The following LYSMD4 variants were observed in gnomAD, a reference collection of about 807,000 sequenced individuals.
LYSMD4 encodes the protein LysM domain containing 4.
LYSMD4 carries 9 observed loss-of-function variants against 6.1 expected under a neutral mutation model. The observed-to-expected ratio is 1.47, with a 90% confidence interval of 0.88 to 2.56. LYSMD4 has a LOEUF of 2.56. LYSMD4 is among the 30% of genes most tolerant of loss of function. The pLI, the probability that LYSMD4 is intolerant of heterozygous loss-of-function variation, is 0.00. For synonymous variants in LYSMD4, 143 were observed against 148.5 expected (o/e 0.96, Z 0.27); for missense variants, 384 against 373.5 (o/e 1.03, Z -0.23).
Position 99,729,748 on chromosome 15 carries a change from A to AT in LYSMD4, c.283-18dup. 6.3e-7 allele frequency: 1 copy of AT among 1,581,582 alleles called. No homozygotes were observed. The highest frequency in any genetic ancestry group is 2.2e-5 in the East Asian group (1 of 44,604). On this transcript the variant is annotated splice_polypyrimidine_tract_variant and intron_variant, in intron 2 of 2. Transcript: ENST00000684762. Reference sequence around the variant, plus strand: ...ATCTGCAACCTAGGAAGGCACGAAGATAAACATCATAAAATATGCGGAGCT... The same window carrying AT: ...ATCTGCAACCTAGGAAGGCACGAAGATTAAACATCATAAAATATGCGGAGCT...
At position 99,728,857 on chromosome 15, in the gene LYSMD4, C is replaced by G; in HGVS notation, c.*266G>C. 2.0e-6 allele frequency: 1 copy of G among 506,324 alleles called. No homozygotes were observed. Among genetic ancestry groups the G allele is most frequent in the East Asian group, 3.5e-5 (1 of 28,206 alleles). The allele number at this position is 506,324 out of a possible 1,614,324, so 31.4% of individuals were successfully genotyped here. ...CCTCACAGTGCTGCTATGAACTGGC[C>G]AGTCCACTAAATGTCACAGGGAAAT... On this transcript the variant is annotated 3_prime_UTR_variant, in exon 3 of 3. Coordinates refer to ENST00000684762, the MANE Select transcript of LYSMD4 (RefSeq NM_001284417.2).
At chr15:99,719,986 TTC>T (rs1399012296), upstream of LYSMD4, among the ~76,000 whole-genome samples, 2 of 152,214 alleles carry the variant, frequency 1.3e-5, no homozygotes, top group African/African-American at 4.8e-5. Context: ...GTGTGTGAAT[TTC>T]TGTTCTTTTT....
At chr15:99,722,521 T>G (rs1354377914), downstream of LYSMD4, among the ~76,000 whole-genome samples, 2 of 152,050 alleles carry the variant, frequency 1.3e-5, no homozygotes, top group African/African-American at 4.8e-5. Context: ...TTACCACACA[T>G]GTAGAAAAAC....
In LYSMD4 at chr15:99,728,849, G is replaced by C. The variant is rs1326440481; in HGVS notation, c.*274C>G. The stretch of plus-strand genomic sequence containing the variant: ...TTGGGGGTCCTCACAGTGCTGCTAT[G>C]AACTGGCCAGTCCACTAAATGTCAC... On this transcript the variant is annotated 3_prime_UTR_variant, in exon 3 of 3. Coordinates refer to ENST00000684762, the MANE Select transcript of LYSMD4 (RefSeq NM_001284417.2). 4.1e-6 allele frequency: 2 copies of C among 486,244 alleles called. No individual in the cohort carries two copies. The highest frequency in any genetic ancestry group is 3.9e-5 in the African/African-American group (2 of 51,572). 30.1% of individuals were successfully genotyped at this position (486,244 alleles called of 1,614,324 possible). A position where few individuals can be genotyped will look rare whatever the true frequency, so the allele number is the denominator to read the frequency against.
At chr15:99,722,659 A>C (rs925189006), downstream of LYSMD4, among the ~76,000 whole-genome samples, 2 of 152,248 alleles carry the variant, frequency 1.3e-5, no homozygotes, top group Non-Finnish European at 2.9e-5. Context: ...TCCATGTGTC[A>C]GAATATACAA....
chr15:99,731,154 G>T, intron 2 of LYSMD4: 1 of 1,609,058 alleles, frequency 6.2e-7, no homozygotes, highest in Non-Finnish European at 8.5e-7. Flanking sequence ...AGCAATTCTA[G>T]AAATACTTTC....
rs1410787807 is a variant in LYSMD4 at position 99,729,263 on chromosome 15, T to C, written c.751A>G (p.Ser251Gly). ...KIQASGETPN[S>G]LNTTVIPNGS... ...TTGGGGATGACAGTTGTGTTCAAGCTATTAGGGGTCTCACCACTAGCTTGT... is the reference window on the plus strand; with the variant it reads ...TTGGGGATGACAGTTGTGTTCAAGCCATTAGGGGTCTCACCACTAGCTTGT... Residue 251 changes from serine (S) to glycine (G), a missense_variant, in exon 3 of 3, where the codon AGC becomes GGC. Transcript: ENST00000684762. 1.2e-6 allele frequency: 2 copies of C among 1,614,112 alleles called. No homozygotes were observed. The highest frequency in any genetic ancestry group is 8.5e-7 in the Non-Finnish European group (1 of 1,180,042).
chr15:99,729,289 A>T lies in LYSMD4; in HGVS notation c.725T>A (p.Ile242Lys), dbSNP rs2059342602. 1.2e-6 allele frequency: 2 copies of T among 1,614,224 alleles called. No individual in the cohort carries two copies. The highest frequency in any genetic ancestry group is 1.7e-6 in the Non-Finnish European group (2 of 1,180,038). Residue 242 changes from isoleucine to lysine, a missense_variant, in exon 3 of 3, where the codon ATA (isoleucine) becomes AAA (lysine). Ile to Lys is a moderately radical substitution (Grantham distance 102). Coordinates refer to ENST00000684762, the MANE Select transcript of LYSMD4 (RefSeq NM_001284417.2). Reference protein sequence around the residue: ...LPVFYLVYFKIQASGETPNSL... With the variant: ...LPVFYLVYFKKQASGETPNSL... Reference sequence around the variant, plus strand: ...ATTAGGGGTCTCACCACTAGCTTGTATTTTAAAGTAGACCAAATAAAAGAC... The same window carrying T: ...ATTAGGGGTCTCACCACTAGCTTGTTTTTTAAAGTAGACCAAATAAAAGAC...
downstream of LYSMD4, among the ~76,000 whole-genome samples, chr15:99,726,580 C>T (rs976724808): frequency 3.9e-5 from 6 of 152,246 alleles, no homozygotes; most frequent in African/African-American, 1.4e-4. Flanking sequence ...GGCCGGGCCA[C>T]ACCTTCCTCA....
Position 99,728,728 on chromosome 15 carries a change from C to T in LYSMD4, c.*395G>A, listed in dbSNP as rs192999945. ...CCCCGCTCCACAGGAAGTGAGGATA[C>T]AGCAAGAGCCAGGCAAGCCGCGCAG... On this transcript the variant is annotated 3_prime_UTR_variant, in exon 3 of 3. Coordinates refer to ENST00000684762, the MANE Select transcript of LYSMD4 (RefSeq NM_001284417.2). 8 of 232,536 alleles carry T rather than the reference C, an allele frequency of 3.4e-5. No individual in the cohort carries two copies. The East Asian group carries it at 7.1e-4, about 21-fold the overall frequency. 14.4% of individuals were successfully genotyped at this position (232,536 alleles called of 1,614,324 possible).
intron 2 of LYSMD4, 140 bp downstream of exon 2, chr15:99,731,578 A>T (rs1423520299): frequency 3.3e-6 from 5 of 1,527,314 alleles, no homozygotes; most frequent in Admixed American, 4.5e-5. Flanking sequence ...CTGGCTAAAT[A>T]GGGGAGTCCT....
At chr15:99,717,766 T>C (rs2059199837) in exon 1 of LYSMD4, 1 of 152,214 alleles carries the variant, frequency 6.6e-6, no homozygotes, top group Admixed American at 6.5e-5. Flanking sequence ...TACACTCCAG[T>C]CACTTTCTTA....
upstream of LYSMD4, among the ~76,000 whole-genome samples, chr15:99,719,685 C>T (rs749515661): frequency 5.3e-5 from 8 of 152,082 alleles, no homozygotes; most frequent in Admixed American, 1.3e-4. Flanking sequence ...CCTACACATG[C>T]GTATATTTGT....
intron 2 of LYSMD4, 122 bp from the exon 3 acceptor site, chr15:99,729,853 G>A (rs1231270718): frequency 3.2e-6 from 4 of 1,259,020 alleles, no homozygotes; most frequent in African/African-American, 3.0e-5. Flanking sequence ...CGAATCTGAT[G>A]AAGACTGGAA....
upstream of LYSMD4, among the ~76,000 whole-genome samples, chr15:99,720,086 GC>G (rs1276180501): frequency 6.6e-6 from 1 of 152,096 alleles, no homozygotes; most frequent in Non-Finnish European, 1.5e-5. Context: ...TGGTGTGTGT[GC>G]TATGAATAAC....
upstream of LYSMD4, chr15:99,720,683 C>T (rs1219862690): frequency 6.6e-6 from 1 of 152,256 alleles, no homozygotes; most frequent in Non-Finnish European, 1.5e-5. Flanking sequence ...ATCTCCTCTC[C>T]TTTCACACCT....
At chr15:99,718,990 G>A (rs113471526), upstream of LYSMD4, among the ~76,000 whole-genome samples, 191 of 152,116 alleles carry the variant, frequency 1.3e-3, no homozygotes, top group African/African-American at 4.4e-3. Flanking sequence ...CATGGTTTAC[G>A]CGAATGCTTT....
chr15:99,731,575 A>T (rs2059412892), intron 2 of LYSMD4, 143 bp downstream of exon 2: 1 of 1,527,748 alleles, frequency 6.5e-7, no homozygotes, highest in Non-Finnish European at 8.7e-7. Context: ...ATTCTGGCTA[A>T]ATAGGGGAGT....
chr15:99,731,607 T>C (rs2059413848), intron 2 of LYSMD4, 111 bp downstream of exon 2: 1 of 1,523,230 alleles, frequency 6.6e-7, no homozygotes, highest in East Asian at 2.3e-5. Context: ...ACAGCAGGCC[T>C]CTCCTGACGG....
Sources: allele counts gnomAD v4.1 joint callset (sites outside exome capture counted in the v4.1 genomes callset), GRCh38; gene constraint gnomAD v4.1.1; transcripts MANE v1.5; gene names NCBI Gene and HGNC (gene_info 2026-07-23, HGNC 2026-07-21).